Variants in MAGI2 observed in about 807,000 individuals in gnomAD.
The protein encoded by MAGI2 is membrane associated guanylate kinase, WW and PDZ domain containing 2.
A neutral mutation model predicts 133.3 loss-of-function variants in MAGI2; 35 were observed. The ratio of observed to expected loss-of-function variants is 0.26; its 90% CI spans 0.20 to 0.35. The LOEUF (loss-of-function observed/expected upper bound fraction) is 0.35. Among genes scored for constraint, MAGI2 ranks in the 10% least tolerant of loss-of-function variants. The pLI is 1.00. For synonymous variants in MAGI2, 729 were observed against 710.6 expected, an observed-to-expected ratio of 1.03 and a Z score of -0.41; for missense variants, 1,636 against 1,863.4, an observed-to-expected ratio of 0.88 and a Z score of 2.25.
intron 1 of MAGI2, 48 bp downstream of exon 1, chr7:79,452,972 G>C: frequency 6.7e-7 from 1 of 1,502,686 alleles, no homozygotes; most frequent in Non-Finnish European, 8.8e-7. Context: ...CCTGCGCCCC[G>C]AGCGGTCCCA....
intron 18 of MAGI2, among the ~76,000 whole-genome samples, chr7:78,127,878 T>A (rs1821157018): frequency 6.6e-6 from 1 of 152,144 alleles, no homozygotes; most frequent in African/African-American, 2.4e-5. Context: ...AAAACATGAT[T>A]GAAGTGATCT....
intron 5 of MAGI2, among the ~76,000 whole-genome samples, chr7:78,490,901 G>A (rs1793544327): frequency 6.6e-6 from 1 of 152,024 alleles, no homozygotes; most frequent in Admixed American, 6.6e-5. Flanking sequence ...GAAAGTGTGA[G>A]GTGTTTCTAG....
intron 2 of MAGI2, among the ~76,000 whole-genome samples, chr7:78,808,531 C>G (rs1788777623): frequency 6.6e-6 from 1 of 152,258 alleles, no homozygotes; most frequent in African/African-American, 2.4e-5. Flanking sequence ...GCTGGGATTA[C>G]AGGCGTGAGC....
At chr7:78,730,468 T>C (rs948055100) in intron 2 of MAGI2, among the ~76,000 whole-genome samples, 2 of 151,350 alleles carry the variant, frequency 1.3e-5, no homozygotes, top group South Asian at 2.1e-4. Context: ...GTAGGCTTTA[T>C]AGAAGGATAT....
rs888049635 is a variant in MAGI2 at position 78,019,903 on chromosome 7, G to C, written c.3780C>G (p.Asp1260Glu). ...GTGATGGAGAGAATGGAGCGAGGCC[G>C]TCGTCCAGGGAGACGCCTACTTCCG... ...GLPEVGVSLD[D>E]GLAPFSPSHP... The change falls in exon 22 of 22, where the codon GAC (aspartate) becomes GAG (glutamate). Residue 1260 changes from aspartate (D) to glutamate (E), a missense_variant. Around this residue, in one of 5 missense-constraint regions of MAGI2, gnomAD observed 354 missense variants for 298.7 expected, o/e 1.19. Transcript: ENST00000354212. 6.2e-7 allele frequency: 1 copy of C among 1,610,606 alleles called. No individual in the cohort carries two copies. The highest frequency in any genetic ancestry group is 1.3e-5 in the African/African-American group (1 of 74,804).
rs367815970 is a variant in MAGI2 at position 78,198,572 on chromosome 7, C to T, written c.2079+2590G>A. On this transcript the variant is annotated intron_variant, in intron 11 of 21. Coordinates refer to ENST00000354212, the MANE Select transcript of MAGI2 (RefSeq NM_012301.4). ...TCAGTCTCCCGAGTAGCTGGGACTA[C>T]AGGCATATGCCACCATGCCCAGCTA... Among the ~76,000 whole-genome samples, 26 of 152,210 alleles carry T rather than the reference C, an allele frequency of 1.7e-4. No homozygotes were observed. In the South Asian group the frequency reaches 4.8e-3, roughly 28 times the overall value.
chr7:78,357,078 A>C (rs1792162703), intron 7 of MAGI2, among the ~76,000 whole-genome samples: 1 of 152,232 alleles, frequency 6.6e-6, no homozygotes, highest in Admixed American at 6.5e-5. Flanking sequence ...AAGATGAAGC[A>C]CTGTATAAAT....
intron 1 of MAGI2, among the ~76,000 whole-genome samples, chr7:79,192,364 A>G (rs1004020618): frequency 5.9e-5 from 9 of 151,794 alleles, no homozygotes; most frequent in African/African-American, 1.9e-4. Flanking sequence ...TTTAAGAAAT[A>G]CTTTAATAAA....
intron 3 of MAGI2, among the ~76,000 whole-genome samples, chr7:78,584,309 A>G (rs1803161690): frequency 6.6e-6 from 1 of 151,054 alleles, no homozygotes; most frequent in African/African-American, 2.4e-5. Context: ...AATCCCAGCT[A>G]CTCAGGAAGC....
chr7:78,201,047 CAT>C, intron 11 of MAGI2, 113 bp downstream of exon 11: 4 of 655,884 alleles, frequency 6.1e-6, no homozygotes, highest in Non-Finnish European at 1.0e-5. Context: ...ATTTTTTTTA[CAT>C]CACAGACTCC....
At chr7:78,929,905 C>T (rs776311137) in intron 2 of MAGI2, among the ~76,000 whole-genome samples, 1 of 152,014 alleles carries the variant, frequency 6.6e-6, no homozygotes, top group African/African-American at 2.4e-5. Flanking sequence ...ACAAACCCAG[C>T]TAAAAATAAG....
At chr7:79,262,940 G>T (rs980895385) in intron 1 of MAGI2, among the ~76,000 whole-genome samples, 2 of 152,098 alleles carry the variant, frequency 1.3e-5, no homozygotes, top group Non-Finnish European at 2.9e-5. Context: ...TGGTTACCAA[G>T]TCATAAATTT....
chr7:78,950,120 T>A (rs1255831111), intron 2 of MAGI2, among the ~76,000 whole-genome samples: 6 of 152,142 alleles, frequency 3.9e-5, no homozygotes, highest in African/African-American at 1.4e-4. Context: ...CATTTGGGGT[T>A]AGACATGCAT....
intron 1 of MAGI2, among the ~76,000 whole-genome samples, chr7:79,100,408 C>T (rs1345012714): frequency 6.6e-6 from 1 of 151,498 alleles, no homozygotes; most frequent in African/African-American, 2.4e-5. Flanking sequence ...ATATTTTAGC[C>T]AATATAATAG....
At chr7:78,818,923 T>C (rs2151423048) in intron 2 of MAGI2, among the ~76,000 whole-genome samples, 1 of 152,238 alleles carries the variant, frequency 6.6e-6, no homozygotes, top group East Asian at 1.9e-4. Flanking sequence ...AAAACTTAAC[T>C]TAGTGTCAAA....
chr7:79,097,696 ACT>A (rs1404706875), intron 1 of MAGI2, among the ~76,000 whole-genome samples: 2 of 152,038 alleles, frequency 1.3e-5, no homozygotes, highest in Non-Finnish European at 2.9e-5. Flanking sequence ...CTTAGTAAAA[ACT>A]CTCAATTTCT....
At chr7:79,115,851 A>T (rs1222058863) in intron 1 of MAGI2, among the ~76,000 whole-genome samples, 1 of 118,404 alleles carries the variant, frequency 8.4e-6, no homozygotes, top group Non-Finnish European at 1.6e-5. Context: ...TAAATGTTTT[A>T]AAGTTTTTTT....
At chr7:78,772,844 G>A (rs566629798) in intron 2 of MAGI2, among the ~76,000 whole-genome samples, 25 of 152,258 alleles carry the variant, frequency 1.6e-4, no homozygotes, top group African/African-American at 6.0e-4. Context: ...AATTTAGAAA[G>A]ACCTAAAATG....
At chr7:78,033,355 C>T (rs1309250286) in intron 21 of MAGI2, among the ~76,000 whole-genome samples, 2 of 151,772 alleles carry the variant, frequency 1.3e-5, no homozygotes, top group African/African-American at 2.4e-5. Context: ...TGTCTGTAGT[C>T]CCAGCTACTT....
Sources: allele counts gnomAD v4.1 joint callset (sites outside exome capture counted in the v4.1 genomes callset), GRCh38; gene constraint gnomAD v4.1.1; regional missense constraint gnomAD v4.1.1; transcripts MANE v1.5; gene names NCBI Gene and HGNC (gene_info 2026-07-23, HGNC 2026-07-21).